RC3H2: variants seen among roughly 807,000 people sequenced by gnomAD.
The protein encoded by RC3H2 is roquin-2.
RC3H2 carries 31 observed loss-of-function variants against 133.3 expected under a neutral mutation model. The observed-to-expected ratio is 0.23, with a 90% confidence interval of 0.17 to 0.31. The LOEUF (loss-of-function observed/expected upper bound fraction) is 0.31, where lower values mean the gene tolerates loss of function less well. RC3H2 is among the 10% of genes least tolerant of loss of function. RC3H2 has a pLI of 1.00. For synonymous variants in RC3H2, 517 were observed against 502.2 expected (o/e 1.03, Z -0.40); for missense variants, 1,175 against 1,437.2 (o/e 0.82, Z 2.95).
rs184447730 is a variant in RC3H2, at chr9:122,905,350, C to T, written c.-308G>A. 1.3e-5 allele frequency: 12 copies of T among 935,398 alleles called. No individual in the cohort carries two copies. Among genetic ancestry groups the T allele is most frequent in the Admixed American group, 1.2e-4 (2 of 16,222 alleles). The allele number at this position is 935,398 out of a possible 1,614,324, so 57.9% of individuals were successfully genotyped here. Reference sequence around the variant, plus strand: ...CCTCCTCCTCACCACGGAGGCGGACCTGGAGGGATCCCGATCTAGCTCTCG... The same window carrying T: ...CCTCCTCCTCACCACGGAGGCGGACTTGGAGGGATCCCGATCTAGCTCTCG... On this transcript the variant is annotated 5_prime_UTR_variant, in exon 1 of 21. Transcript: ENST00000357244.
At chr9:122,868,859 GTGTGTGTGTGTGTGTGTGTGT>G (rs1830900906) in intron 9 of RC3H2, among the ~76,000 whole-genome samples, 1 of 15,178 alleles carries the variant, frequency 6.6e-5, no homozygotes, top group African/African-American at 1.2e-4. Flanking sequence ...GTGTGTGTGT[GTGTGTGTGTGTGTGTGTGTGT>G]GTGTGTGTGT....
At chr9:122,892,374 A>G (rs1020923215) in intron 3 of RC3H2, among the ~76,000 whole-genome samples, 3 of 151,972 alleles carry the variant, frequency 2.0e-5, no homozygotes. Context: ...TAGCCTTATA[A>G]AGTGCTCAGA....
rs1212757669 is a variant in RC3H2, at chr9:122,848,874, C to T, written c.*753G>A. The T allele has an allele frequency of 6.6e-6, 1 of 152,062 alleles. No individual in the cohort carries two copies. The highest frequency in any genetic ancestry group is 1.9e-4 in the East Asian group (1 of 5,196). 9.4% of individuals were successfully genotyped at this position (152,062 alleles called of 1,614,324 possible). On this transcript the variant is annotated 3_prime_UTR_variant, in exon 21 of 21. Coordinates refer to ENST00000357244, the MANE Select transcript of RC3H2 (RefSeq NM_001100588.3). ...ACTTAGGAGAATTTAATATCTAGTA[C>T]ATCAGCTGAAAGACTTAGGCACTTG...
intron 9 of RC3H2, among the ~76,000 whole-genome samples, chr9:122,868,134 C>G (rs908660536): frequency 2.0e-5 from 3 of 149,094 alleles, no homozygotes; most frequent in East Asian, 2.1e-4. Flanking sequence ...GTCAGCCCCC[C>G]GCCCGGCCAG....
chr9:122,855,264 G>GT lies in RC3H2; in HGVS notation c.2734_2735insA (p.Ser912TyrfsTer22). On this transcript the variant is annotated frameshift_variant, in exon 15 of 21. Transcript: ENST00000357244. LOFTEE classifies it high-confidence loss of function. ...ATCTGTGGTATGGTAACCTGTACGG[G>GT]AAGATCTGGAAATCGCACCCCATTT... 6.2e-7 allele frequency: 1 copy of GT among 1,614,222 alleles called. No individual in the cohort carries two copies.
At chr9:122,874,670 A>G (rs1831256749) in intron 9 of RC3H2, 1 of 153,844 alleles carries the variant, frequency 6.5e-6, no homozygotes, top group South Asian at 2.0e-4. Flanking sequence ...GGCGTATGCC[A>G]CTATGCTCAG....
At chr9:122,886,274 A>G (rs936180638) in intron 4 of RC3H2, among the ~76,000 whole-genome samples, 2 of 152,170 alleles carry the variant, frequency 1.3e-5, no homozygotes, top group African/African-American at 4.8e-5. Flanking sequence ...CTATTTATGG[A>G]TACATTACAT....
intron 9 of RC3H2, among the ~76,000 whole-genome samples, chr9:122,866,025 C>T (rs570691101): frequency 1.3e-5 from 2 of 152,116 alleles, no homozygotes; most frequent in African/African-American, 4.8e-5. Context: ...GTAAAAATGA[C>T]AGGAACTGGC....
At chr9:122,850,435 T>TATCTATAGATAG (rs11267855) in intron 20 of RC3H2, among the ~76,000 whole-genome samples, 6 of 149,862 alleles carry the variant, frequency 4.0e-5, no homozygotes. Context: ...GCTATCTATC[T>TATCTATAGATAG]ATAGATAGAT....
At chr9:122,884,846 C>T (rs189227552) in intron 4 of RC3H2, among the ~76,000 whole-genome samples, 40 of 148,090 alleles carry the variant, frequency 2.7e-4, no homozygotes, top group Admixed American at 1.8e-3. Context: ...AGCGAAAGTC[C>T]GTCTCCAAAA....
In RC3H2 at chr9:122,861,760, G is replaced by A. The variant is rs77033428; in HGVS notation, c.1635-1629C>T. Among the ~76,000 whole-genome samples, 106 of 152,170 alleles carry A rather than the reference G, an allele frequency of 7.0e-4. 1 individual carries two copies. In the East Asian group the frequency reaches 0.019, roughly 27 times the overall value. On this transcript the variant is annotated intron_variant, in intron 10 of 20. Coordinates refer to ENST00000357244, the MANE Select transcript of RC3H2 (RefSeq NM_001100588.3). ...TAGGATATAAAGAAAAAGGTATATG[G>A]GCTGCCTTTAAGTTTATCACAGATT...
chr9:122,849,966 A>G, intron 20 of RC3H2, 144 bp from the exon 21 acceptor site: 1 of 488,630 alleles, frequency 2.0e-6, no homozygotes, highest in Non-Finnish European at 3.4e-6. Flanking sequence ...TATCAGAAGT[A>G]ACTAGAAAAG....
intron 4 of RC3H2, among the ~76,000 whole-genome samples, chr9:122,886,317 C>T (rs191637312): frequency 2.4e-4 from 36 of 152,240 alleles, no homozygotes; most frequent in African/African-American, 8.7e-4. Flanking sequence ...GATGGACATT[C>T]GGATTGTTTC....
intron 3 of RC3H2, among the ~76,000 whole-genome samples, chr9:122,891,856 A>G (rs1371507148): frequency 6.6e-6 from 1 of 152,160 alleles, no homozygotes; most frequent in Non-Finnish European, 1.5e-5. Context: ...TGCAGTGATA[A>G]AATTTCAGTT....
chr9:122,875,226 A>C (rs1458777721), intron 9 of RC3H2: 2 of 1,551,178 alleles, frequency 1.3e-6, no homozygotes, highest in South Asian at 2.4e-5. Flanking sequence ...GAAGAGAAGC[A>C]TGTTTCTGCT....
chr9:122,888,490 A>AT lies in RC3H2; in HGVS notation c.583+1821dup, dbSNP rs535126339. ...TTCTACATACTGGTATTAGTCTTCT[A>AT]TTTTTTTGCCATTGTTTCTTTTGGA... On this transcript the variant is annotated intron_variant, in intron 4 of 20. Transcript: ENST00000357244. 6.4e-3 allele frequency among the ~76,000 whole-genome samples: 977 copies of AT among 152,072 alleles called. 8 individuals carry two copies. Among genetic ancestry groups the AT allele is most frequent in the Non-Finnish European group, 7.6e-3 (514 of 67,972 alleles).
At chr9:122,859,205 A>G (rs1830364037) in intron 11 of RC3H2, 103 bp from the exon 12 acceptor site, 12 of 937,156 alleles carry the variant, frequency 1.3e-5, no homozygotes, top group Non-Finnish European at 1.8e-5. Flanking sequence ...AAATATAATA[A>G]GCTTTGAACC....
intron 4 of RC3H2, 131 bp downstream of exon 4, chr9:122,890,181 A>C (rs1832102638): frequency 6.9e-6 from 5 of 726,248 alleles, no homozygotes; most frequent in African/African-American, 1.8e-5. Flanking sequence ...ACAAAAACAA[A>C]TTTATCTTTA....
At chr9:122,865,001 G>C (rs1012181670) in intron 10 of RC3H2, among the ~76,000 whole-genome samples, 5 of 151,958 alleles carry the variant, frequency 3.3e-5, no homozygotes, top group African/African-American at 4.8e-5. Flanking sequence ...CATTTTACCT[G>C]CTTAGGTTTC....
Sources: gnomAD v4.1 joint callset for allele counts (sites outside exome capture counted in the v4.1 genomes callset) on GRCh38, gnomAD v4.1.1 for gene constraint, MANE v1.5 for transcripts, NCBI Gene and HGNC (gene_info 2026-07-23, HGNC 2026-07-21) for gene names.